TTYH1: variants seen among roughly 807,000 people sequenced by gnomAD.
TTYH1 encodes the protein protein tweety homolog 1.
In TTYH1, 33 loss-of-function variants were observed where a neutral mutation model predicts 61.2. That is an observed-to-expected ratio of 0.54 (90% CI 0.41 to 0.72). The LOEUF (loss-of-function observed/expected upper bound fraction) is 0.72. Ranked by LOEUF, TTYH1 falls within the 30% of genes least tolerant of loss-of-function variation. The pLI is 0.00. For missense variants in TTYH1, 538 were observed against 575.8 expected (o/e 0.93, Z 0.67); for synonymous variants, 308 against 266.4 (o/e 1.16, Z -1.52).
chr19:54,420,917 A>C lies in TTYH1; in HGVS notation c.306-360A>C. 2 of 328,582 alleles carry C rather than the reference A, an allele frequency of 6.1e-6. No individual in the cohort carries two copies. The highest frequency in any genetic ancestry group is 2.1e-5 in the African/African-American group (1 of 47,294). The allele number at this position is 328,582 out of a possible 1,614,324, so 20.4% of individuals were successfully genotyped here. On this transcript the variant is annotated intron_variant, in intron 2 of 13. Transcript: ENST00000376530. The surrounding 1 kb of genome is among the most constrained non-coding windows in gnomAD (Gnocchi z 4.8). Reference sequence around the variant, plus strand: ...CCTGCCTGGCAAAGGATGCGGGGGAAGGGTGTGGGGCAGGCAGTCCTAGGG... The same window carrying C: ...CCTGCCTGGCAAAGGATGCGGGGGACGGGTGTGGGGCAGGCAGTCCTAGGG...
At chr19:54,435,097 G>T in intron 10 of TTYH1, 1 of 166,660 alleles carries the variant, frequency 6.0e-6, no homozygotes, top group South Asian at 1.6e-4. Context: ...GTGCAGGGGA[G>T]GATGCTCTTG....
chr19:54,421,177 G>A lies in TTYH1; in HGVS notation c.306-100G>A, dbSNP rs2122874554. The A allele has an allele frequency of 1.3e-6, 1 of 744,724 alleles. No homozygotes were observed. Among genetic ancestry groups the A allele is most frequent in the Non-Finnish European group, 2.3e-6 (1 of 426,210 alleles). 46.1% of individuals were successfully genotyped at this position (744,724 alleles called of 1,614,324 possible). On this transcript the variant is annotated intron_variant, in intron 2 of 13. Transcript: ENST00000376530. The surrounding 1 kb of genome is among the most constrained non-coding windows in gnomAD (Gnocchi z 4.8). ...ATGAGGTGGGGCTGAGATGGGAGGG[G>A]TGGATAAGAAGGCGAGGTGGAGGGG...
chr19:54,416,611 G>C lies in TTYH1; in HGVS notation c.126+933G>C. On this transcript the variant is annotated intron_variant, in intron 1 of 13. Coordinates refer to ENST00000376530, the MANE Select transcript of TTYH1 (RefSeq NM_020659.4). The surrounding 1 kb of genome is among the most constrained non-coding windows in gnomAD (Gnocchi z 7.0). ...TCTTGGGTTGCTCCTGGGAGAAGGG[G>C]GCTGGGATTGGAGAGCTCAGGGGGC... The C allele has an allele frequency of 1.8e-6, 1 of 550,446 alleles. No individual in the cohort carries two copies. The highest frequency in any genetic ancestry group is 2.8e-6 in the Non-Finnish European group (1 of 359,170). The allele number at this position is 550,446 out of a possible 1,614,324, so 34.1% of individuals were successfully genotyped here.
chr19:54,426,621 G>A lies in TTYH1; in HGVS notation c.639-52G>A, dbSNP rs117905101. 414 of 1,463,786 alleles carry A rather than the reference G, an allele frequency of 2.8e-4. 6 individuals carry two copies. The East Asian group carries it at 9.0e-3, about 32-fold the overall frequency. 90.7% of individuals were successfully genotyped at this position (1,463,786 alleles called of 1,614,324 possible). A position where few individuals can be genotyped will look rare whatever the true frequency, so the allele number is the denominator to read the frequency against. On this transcript the variant is annotated intron_variant, in intron 4 of 13. Coordinates refer to ENST00000376530, the MANE Select transcript of TTYH1 (RefSeq NM_020659.4). ...GCTGGTGGAGGGTTGCTGTTCCGCC[G>A]GGGTGCCTGGAGGCAGGTTTGTGGT... is the stretch of plus-strand genomic sequence containing the variant.
Position 54,416,528 on chromosome 19 carries a change from G to A in TTYH1, c.126+850G>A, listed in dbSNP as rs866566304. 95 of 313,004 alleles carry A rather than the reference G, an allele frequency of 3.0e-4. 1 individual carries two copies. Among genetic ancestry groups the A allele is most frequent in the African/African-American group, 2.1e-3 (91 of 43,950 alleles). The allele number at this position is 313,004 out of a possible 1,614,324, so 19.4% of individuals were successfully genotyped here. A position where few individuals can be genotyped will look rare whatever the true frequency, so the allele number is the denominator to read the frequency against. On this transcript the variant is annotated intron_variant, in intron 1 of 13. Transcript: ENST00000376530. This position sits in a 1 kb window ranked among gnomAD's most constrained non-coding sequence, Gnocchi z 7.0. ...GACGGGTGGGGGTGCTGGGAGTCCC[G>A]ATGTGGCCCCAGGACGGGTCCTGGC...
At position 54,421,265 on chromosome 19, in the gene TTYH1, T is replaced by C. The variant is rs1409162418; in HGVS notation, c.306-12T>C. The C allele has an allele frequency of 2.5e-6, 4 of 1,590,592 alleles. No homozygotes were observed. The highest frequency in any genetic ancestry group is 3.5e-6 in the Non-Finnish European group (4 of 1,158,918). The stretch of plus-strand genomic sequence containing the variant: ...GACCCGCTGAGATTCCTCTCCCTCC[T>C]CCTCCGCTCAGCACTGGCATTGGCA... On this transcript the variant is annotated splice_polypyrimidine_tract_variant and intron_variant, in intron 2 of 13. Coordinates refer to ENST00000376530, the MANE Select transcript of TTYH1 (RefSeq NM_020659.4). The surrounding 1 kb of genome is among the most constrained non-coding windows in gnomAD (Gnocchi z 4.8).
At chr19:54,428,092 T>TG (rs1283749178) in intron 5 of TTYH1, among the ~76,000 whole-genome samples, 1 of 140,404 alleles carries the variant, frequency 7.1e-6, no homozygotes, top group African/African-American at 2.7e-5. Context: ...TTTTTTTTTT[T>TG]TTTTTTTTTT....
In TTYH1 at chr19:54,436,190, C is replaced by G. The variant is rs1167027039; in HGVS notation, c.*42+19C>G. 2 of 1,612,644 alleles carry G rather than the reference C, an allele frequency of 1.2e-6. No homozygotes were observed. Among genetic ancestry groups the G allele is most frequent in the African/African-American group, 2.7e-5 (2 of 74,912 alleles). The stretch of plus-strand genomic sequence containing the variant: ...CTCTTCGGTGAGCTTCCAAGGGCCA[C>G]CCCAGCTCCTGCAGCCGGGCCTCTG... On this transcript the variant is annotated intron_variant, in intron 13 of 13. Transcript: ENST00000376530. The surrounding 1 kb of genome is among the most constrained non-coding windows in gnomAD (Gnocchi z 4.3).
rs1206798822 is a variant in TTYH1 at position 54,416,071 on chromosome 19, A to G, written c.126+393A>G. ...TGCCCCACAGGATCAGAGCAGGTGA[A>G]TATGTCCCAGATAAGGTGGGACCCA... On this transcript the variant is annotated intron_variant, in intron 1 of 13. Coordinates refer to ENST00000376530, the MANE Select transcript of TTYH1 (RefSeq NM_020659.4). The surrounding 1 kb of genome is among the most constrained non-coding windows in gnomAD (Gnocchi z 7.0). 1 of 1,307,008 alleles carries G rather than the reference A, an allele frequency of 7.7e-7. No individual in the cohort carries two copies. The highest frequency in any genetic ancestry group is 2.3e-5 in the Admixed American group (1 of 43,570). 81.0% of individuals were successfully genotyped at this position (1,307,008 alleles called of 1,614,324 possible). A position where few individuals can be genotyped will look rare whatever the true frequency, so the allele number is the denominator to read the frequency against.
In TTYH1 at chr19:54,419,325, G is replaced by A. The variant is rs772328872; in HGVS notation, c.305+19G>A. The A allele has an allele frequency of 2.5e-6, 4 of 1,587,348 alleles. No individual in the cohort carries two copies. The highest frequency in any genetic ancestry group is 3.4e-6 in the Non-Finnish European group (4 of 1,172,836). ...CCGGCTGGTAATGGGGCCCCAGGGT[G>A]GGTGGGCGGTGGGGACAGGGCTCCC... On this transcript the variant is annotated intron_variant, in intron 2 of 13. Transcript: ENST00000376530. This position sits in a 1 kb window ranked among gnomAD's most constrained non-coding sequence, Gnocchi z 6.1.
chr19:54,415,614 G>T lies in TTYH1; in HGVS notation c.62G>T (p.Arg21Leu). The change falls in exon 1 of 14, where the codon CGC (arginine) becomes CTC (leucine). Residue 21 changes from arginine to leucine, a missense_variant. Physicochemically the swap from Arg to Leu is moderately radical, Grantham distance 102. This residue lies in a region of TTYH1 where 157 missense variants were observed against 157.0 expected (regional missense o/e 1.00). Transcript: ENST00000376530. The surrounding 1 kb of genome is among the most constrained non-coding windows in gnomAD (Gnocchi z 5.2). ...GTGCATCTCCTCCACCAGCTGCCCCGCGCCGACTTCCAGCTCCGCCCGGTG... is the reference window on the plus strand; with the variant it reads ...GTGCATCTCCTCCACCAGCTGCCCCTCGCCGACTTCCAGCTCCGCCCGGTG... ...AWVHLLHQLP[R>L]ADFQLRPVPS... 1 of 1,560,480 alleles carries T rather than the reference G, an allele frequency of 6.4e-7. No individual in the cohort carries two copies.
rs2083070909 is a variant in TTYH1 at position 54,416,012 on chromosome 19, G to T, written c.126+334G>T. ...GCCGGCCTCCAGGGTCATCGGGAGG[G>T]TAGGTCTACTCTTCCTGCCCTAAAA... On this transcript the variant is annotated intron_variant, in intron 1 of 13. Coordinates refer to ENST00000376530, the MANE Select transcript of TTYH1 (RefSeq NM_020659.4). This position sits in a 1 kb window ranked among gnomAD's most constrained non-coding sequence, Gnocchi z 7.0. 1 of 1,335,786 alleles carries T rather than the reference G, an allele frequency of 7.5e-7. No homozygotes were observed. The highest frequency in any genetic ancestry group is 1.2e-5 in the South Asian group (1 of 80,732). 82.7% of individuals were successfully genotyped at this position (1,335,786 alleles called of 1,614,324 possible).
rs1394304140 is a variant in TTYH1, at chr19:54,423,558, C to A, written c.638+1148C>A. Among the ~76,000 whole-genome samples, 7 of 152,294 alleles carry A rather than the reference C, an allele frequency of 4.6e-5. No homozygotes were observed. The East Asian group carries it at 1.4e-3, about 29-fold the overall frequency. ...CGAAAGCCAGCCAGCCCCACCCTAA[C>A]CACGCGGCTGCAATCAAGTTACTTT... On this transcript the variant is annotated intron_variant, in intron 4 of 13. Transcript: ENST00000376530.
rs758171214 is a variant in TTYH1, at chr19:54,419,230, C to A, written c.229C>A (p.Pro77Thr). Residue 77 changes from proline to threonine, a missense_variant, in exon 2 of 14, where the codon CCC becomes ACC. Around this residue, in one of 3 missense-constraint regions of TTYH1, gnomAD observed 157 missense variants for 157.0 expected, o/e 1.00. Transcript: ENST00000376530. The surrounding 1 kb of genome is among the most constrained non-coding windows in gnomAD (Gnocchi z 6.1). ...IRFCCCRPPE[P>T]PGSKIPSPGG... ...CTTCTGCTGCTGCCGGCCCCCCGAG[C>A]CCCCCGGGTCCAAGATCCCCTCGCC... is the stretch of plus-strand genomic sequence containing the variant. The A allele has an allele frequency of 3.1e-6, 5 of 1,609,358 alleles. No homozygotes were observed. Among genetic ancestry groups the A allele is most frequent in the Non-Finnish European group, 2.5e-6 (3 of 1,179,860 alleles).
chr19:54,424,216 T>A (rs2083278348), intron 4 of TTYH1, among the ~76,000 whole-genome samples: 1 of 151,438 alleles, frequency 6.6e-6, no homozygotes. Flanking sequence ...GTCTGGCAGT[T>A]CATCAGGGGG....
chr19:54,416,888 C>T lies in TTYH1; in HGVS notation c.126+1210C>T, dbSNP rs1480839385. 2.3e-6 allele frequency: 3 copies of T among 1,288,716 alleles called. 1 individual carries two copies. The highest frequency in any genetic ancestry group is 2.5e-5 in the South Asian group (2 of 80,846). The allele number at this position is 1,288,716 out of a possible 1,614,324, so 79.8% of individuals were successfully genotyped here. ...CTCTGGCCCGGAGACCTCCCGAAGC[C>T]GCACGCGGGGATCCGCGGCCCCAGT... On this transcript the variant is annotated intron_variant, in intron 1 of 13. Coordinates refer to ENST00000376530, the MANE Select transcript of TTYH1 (RefSeq NM_020659.4). This position sits in a 1 kb window ranked among gnomAD's most constrained non-coding sequence, Gnocchi z 7.0.
intron 4 of TTYH1, among the ~76,000 whole-genome samples, chr19:54,424,397 GC>G: frequency 6.6e-6 from 1 of 152,362 alleles, no homozygotes; most frequent in South Asian, 2.1e-4. Context: ...CGCGGGGCAT[GC>G]GCTGAGATTT....
chr19:54,419,538 A>T lies in TTYH1; in HGVS notation c.305+232A>T. 1.4e-6 allele frequency: 1 copy of T among 705,004 alleles called. No homozygotes were observed. Among genetic ancestry groups the T allele is most frequent in the Non-Finnish European group, 2.6e-6 (1 of 389,366 alleles). The allele number at this position is 705,004 out of a possible 1,614,324, so 43.7% of individuals were successfully genotyped here. Reference sequence around the variant, plus strand: ...GAGAGGAAGTGAATCAAGGGCAGCCATCTGGTGAGAAGGCGCAGGGGCAGT... The same window carrying T: ...GAGAGGAAGTGAATCAAGGGCAGCCTTCTGGTGAGAAGGCGCAGGGGCAGT... On this transcript the variant is annotated intron_variant, in intron 2 of 13. Transcript: ENST00000376530. The surrounding 1 kb of genome is among the most constrained non-coding windows in gnomAD (Gnocchi z 6.1).
rs2083434303 is a variant in TTYH1 at position 54,431,135 on chromosome 19, A to C, written c.1069A>C (p.Thr357Pro). ...GTCCTTGGAGGAGACTCTGAATGTG[A>C]CAGAAGGAAATTTCCACCAGTTGGT... Reference protein sequence around the residue: ...LLSLEETLNVTEGNFHQLVAL... With the variant: ...LLSLEETLNVPEGNFHQLVAL... Residue 357 changes from threonine (T) to proline (P), a missense_variant, in exon 10 of 14, where the codon ACA (threonine) becomes CCA (proline). Thr to Pro is a conservative substitution (Grantham distance 38). Around this residue, in one of 3 missense-constraint regions of TTYH1, gnomAD observed 378 missense variants for 401.2 expected, o/e 0.94. Coordinates refer to ENST00000376530, the MANE Select transcript of TTYH1 (RefSeq NM_020659.4). 6.2e-7 allele frequency: 1 copy of C among 1,613,846 alleles called. No homozygotes were observed. The highest frequency in any genetic ancestry group is 1.1e-5 in the South Asian group (1 of 91,084).
Sources: gnomAD v4.1 joint callset for allele counts (sites outside exome capture counted in the v4.1 genomes callset) on GRCh38, gnomAD v4.1.1 for gene constraint, gnomAD v4.1.1 regional missense constraint, Gnocchi (gnomAD v3.1) non-coding constraint, MANE v1.5 for transcripts, NCBI Gene and HGNC (gene_info 2026-07-23, HGNC 2026-07-21) for gene names.